The following ROBO1 variants were observed in gnomAD, a reference collection of about 807,000 sequenced individuals.
The protein encoded by ROBO1 is roundabout guidance receptor 1, also known as roundabout homolog 1.
A neutral mutation model predicts 195.9 loss-of-function variants in ROBO1; 149 were observed. The observed-to-expected ratio is 0.76, with a 90% CI of 0.67 to 0.87. The LOEUF is 0.87. Ranked by LOEUF, ROBO1 falls within the 40% of genes least tolerant of loss-of-function variation. The pLI, the probability that ROBO1 is intolerant of heterozygous loss-of-function variation, is 0.00. For synonymous variants in ROBO1, 816 were observed against 733.2 expected, an observed-to-expected ratio of 1.11 and a Z score of -1.82; for missense variants, 1,933 against 2,068.3, an observed-to-expected ratio of 0.93 and a Z score of 1.27.
intron 4 of ROBO1, among the ~76,000 whole-genome samples, chr3:78,771,717 A>T (rs571270490): frequency 8.5e-5 from 13 of 152,132 alleles, no homozygotes; most frequent in Non-Finnish European, 1.5e-4. Flanking sequence ...ATTGGTGTAT[A>T]CAAATTTTTG....
At chr3:79,618,922 T>G (rs1188683234) in intron 1 of ROBO1, among the ~76,000 whole-genome samples, 1 of 152,194 alleles carries the variant, frequency 6.6e-6, no homozygotes, top group Non-Finnish European at 1.5e-5. Context: ...GGAGACACAT[T>G]TTATCCGTGG....
chr3:79,469,844 G>A (rs1236168777), intron 2 of ROBO1, among the ~76,000 whole-genome samples: 1 of 151,530 alleles, frequency 6.6e-6, no homozygotes, highest in Admixed American at 6.6e-5. Flanking sequence ...TTTTATACAG[G>A]TTAAAAAAAA....
At chr3:79,575,141 A>AAT (rs202182627) in intron 2 of ROBO1, among the ~76,000 whole-genome samples, 37,507 of 87,450 alleles carry the variant, frequency 0.43, 8,308 homozygotes, top group African/African-American at 0.65. Flanking sequence ...ATATATAACA[A>AAT]ATATATAAAT....
intron 2 of ROBO1, among the ~76,000 whole-genome samples, chr3:79,462,235 G>A (rs1255368499): frequency 6.6e-6 from 1 of 152,088 alleles, no homozygotes; most frequent in Non-Finnish European, 1.5e-5. Flanking sequence ...TACTGTGTTG[G>A]TTAAAGTATC....
intron 19 of ROBO1, among the ~76,000 whole-genome samples, chr3:78,648,849 TG>T (rs1706463482): frequency 6.6e-6 from 1 of 152,114 alleles, no homozygotes; most frequent in South Asian, 2.1e-4. Context: ...AGAAATTTAC[TG>T]TAGAATCGGA....
chr3:78,728,144 C>A (rs1319466990), intron 5 of ROBO1, among the ~76,000 whole-genome samples: 1 of 151,948 alleles, frequency 6.6e-6, no homozygotes, highest in Non-Finnish European at 1.5e-5. Flanking sequence ...AAATTTCTTA[C>A]CTCCCTCTAT....
chr3:79,497,397 T>A (rs1311043084), intron 2 of ROBO1, among the ~76,000 whole-genome samples: 1 of 152,196 alleles, frequency 6.6e-6, no homozygotes, highest in Non-Finnish European at 1.5e-5. Flanking sequence ...TTATTTGATT[T>A]AAAAACTCAT....
intron 2 of ROBO1, among the ~76,000 whole-genome samples, chr3:79,264,901 T>C (rs1576895238): frequency 6.6e-6 from 1 of 151,902 alleles, no homozygotes; most frequent in African/African-American, 2.4e-5. Context: ...TAATTTCTGT[T>C]TGTCTCTGCC....
At position 78,607,007 on chromosome 3, in the gene ROBO1, T is replaced by TA; in HGVS notation, c.4469dup (p.Ser1492ValfsTer51). 1 of 1,612,724 alleles carries TA rather than the reference T, an allele frequency of 6.2e-7. No homozygotes were observed. Among genetic ancestry groups the TA allele is most frequent in the Non-Finnish European group, 8.5e-7 (1 of 1,178,836 alleles). ...TCTTGGATTGGGCAGTAGGTGACTTTATAGCAGGTGGCGGCACAGGAGGTG... is the reference window on the plus strand; with the variant it reads ...TCTTGGATTGGGCAGTAGGTGACTTTAATAGCAGGTGGCGGCACAGGAGGTG... On this transcript the variant is annotated frameshift_variant, in exon 29 of 31. Coordinates refer to ENST00000464233, the MANE Select transcript of ROBO1 (RefSeq NM_002941.4). LOFTEE classifies it high-confidence loss of function.
intron 1 of ROBO1, among the ~76,000 whole-genome samples, chr3:79,614,020 A>G (rs1485152329): frequency 1.3e-5 from 2 of 152,094 alleles, no homozygotes; most frequent in South Asian, 2.1e-4. Flanking sequence ...TGCATAAAGA[A>G]AAAAGATAAA....
intron 2 of ROBO1, among the ~76,000 whole-genome samples, chr3:79,198,968 C>T (rs986141554): frequency 2.0e-5 from 3 of 152,002 alleles, no homozygotes; most frequent in Non-Finnish European, 4.4e-5. Flanking sequence ...ATCAAGTCAT[C>T]TGCAAACAGA....
chr3:78,633,857 A>C (rs1705325225), intron 24 of ROBO1, 78 bp downstream of exon 24: 1 of 866,968 alleles, frequency 1.2e-6, no homozygotes, highest in Admixed American at 2.1e-5. Context: ...TACATACGTC[A>C]GTCCATTAGC....
Position 78,895,810 on chromosome 3 carries a change from A to G in ROBO1, c.499+42791T>C, listed in dbSNP as rs115108753. Among the ~76,000 whole-genome samples, 446 of 152,280 alleles carry G rather than the reference A, an allele frequency of 2.9e-3. 1 individual carries two copies. The highest frequency in any genetic ancestry group is 4.6e-3 in the Non-Finnish European group (316 of 68,008). ...TAACAATCACACATTTTAAAACAAA[A>G]ATCTGGACACAACATTTGATGTATT... On this transcript the variant is annotated intron_variant, in intron 4 of 30. Coordinates refer to ENST00000464233, the MANE Select transcript of ROBO1 (RefSeq NM_002941.4).
chr3:79,686,472 T>C (rs1392469967), intron 1 of ROBO1, among the ~76,000 whole-genome samples: 1 of 152,042 alleles, frequency 6.6e-6, no homozygotes, highest in African/African-American at 2.4e-5. Flanking sequence ...CTAGAAAACC[T>C]CATCGTCTCA....
chr3:78,996,678 C>T (rs1343894972), intron 3 of ROBO1, among the ~76,000 whole-genome samples: 2 of 151,842 alleles, frequency 1.3e-5, no homozygotes, highest in East Asian at 1.9e-4. Flanking sequence ...CAAGATAGAT[C>T]CACACAAACA....
chr3:78,613,026 A>G (rs543138196), intron 28 of ROBO1, among the ~76,000 whole-genome samples: 4 of 152,348 alleles, frequency 2.6e-5, no homozygotes, highest in Middle Eastern at 6.8e-3. Flanking sequence ...AATTATTAAC[A>G]CTGAAACAAG....
intron 2 of ROBO1, among the ~76,000 whole-genome samples, chr3:79,235,554 G>A (rs1325823733): frequency 6.6e-6 from 1 of 152,098 alleles, no homozygotes; most frequent in African/African-American, 2.4e-5. Context: ...AATGGTCAAT[G>A]TTGGATCTTT....
intron 1 of ROBO1, among the ~76,000 whole-genome samples, chr3:79,695,721 C>T (rs765520058): frequency 2.0e-5 from 3 of 151,476 alleles, no homozygotes; most frequent in South Asian, 2.1e-4. Flanking sequence ...GAACCATACT[C>T]ATGTGATTTT....
chr3:78,747,468 C>T (rs1372523618), intron 4 of ROBO1, among the ~76,000 whole-genome samples: 1 of 152,032 alleles, frequency 6.6e-6, no homozygotes, highest in Non-Finnish European at 1.5e-5. Context: ...ATCTACAAAG[C>T]CATTACATTG....
Sources: gnomAD v4.1 joint callset for allele counts (sites outside exome capture counted in the v4.1 genomes callset) on GRCh38, gnomAD v4.1.1 for gene constraint, MANE v1.5 for transcripts, NCBI Gene and HGNC (gene_info 2026-07-23, HGNC 2026-07-21) for gene names.